SLC24A2: variants seen among roughly 807,000 people sequenced by gnomAD.
The protein encoded by SLC24A2 is solute carrier family 24 member 2.
In SLC24A2, 36 loss-of-function variants were observed where a neutral mutation model predicts 62.0. That is an observed-to-expected ratio of 0.58 (90% confidence interval 0.44 to 0.77). The LOEUF (loss-of-function observed/expected upper bound fraction) is 0.77, where lower values mean the gene tolerates loss of function less well. SLC24A2 is among the 30% of genes least tolerant of loss of function. The pLI is 0.00. For synonymous variants in SLC24A2, 358 were observed against 294.0 expected, an observed-to-expected ratio of 1.22 and a Z score of -2.23; for missense variants, 846 against 817.9, an observed-to-expected ratio of 1.03 and a Z score of -0.42.
At chr9:20,148,261 C>G in the SLC24A2 span, among the ~76,000 whole-genome samples, 1 of 151,972 alleles carries the variant, frequency 6.6e-6, no homozygotes, top group Non-Finnish European at 1.5e-5. Context: ...ATAATAATCA[C>G]CTCCCTATGA....
At chr9:19,693,131 G>A (rs1053895452) in intron 2 of SLC24A2, among the ~76,000 whole-genome samples, 1 of 151,746 alleles carries the variant, frequency 6.6e-6, no homozygotes, top group African/African-American at 2.4e-5. Context: ...TAAGTTCCAG[G>A]GTACATGTGC....
the SLC24A2 span, among the ~76,000 whole-genome samples, chr9:20,285,144 G>C: frequency 6.6e-6 from 1 of 152,144 alleles, no homozygotes; most frequent in Non-Finnish European, 1.5e-5. Context: ...CAAGGAAATA[G>C]GTAGAAGCAT....
intron 7 of SLC24A2, among the ~76,000 whole-genome samples, chr9:19,552,921 C>G (rs916908446): frequency 5.3e-5 from 8 of 152,308 alleles, no homozygotes; most frequent in Non-Finnish European, 1.0e-4. Flanking sequence ...CTATATTGAA[C>G]AGCTTCCAAA....
chr9:20,053,647 A>C, the SLC24A2 span, among the ~76,000 whole-genome samples: 1 of 152,178 alleles, frequency 6.6e-6, no homozygotes, highest in African/African-American at 2.4e-5. Context: ...ATGACCTTAT[A>C]AAACAGACCC....
chr9:19,977,828 T>G, the SLC24A2 span, among the ~76,000 whole-genome samples: 1 of 152,190 alleles, frequency 6.6e-6, no homozygotes, highest in East Asian at 1.9e-4. Context: ...GAAGGAGAAA[T>G]CTAGGGCAGG....
intron 2 of SLC24A2, among the ~76,000 whole-genome samples, chr9:19,728,302 GAA>G (rs561269789): frequency 1.7e-5 from 2 of 119,438 alleles, no homozygotes; most frequent in African/African-American, 3.1e-5. Flanking sequence ...ATTAGTGACA[GAA>G]AAAAAAAAAA....
At chr9:20,212,690 TACTA>T in the SLC24A2 span, among the ~76,000 whole-genome samples, 1 of 151,226 alleles carries the variant, frequency 6.6e-6, no homozygotes, top group Non-Finnish European at 1.5e-5. Context: ...ATGAGTGATT[TACTA>T]ACTATCTATA....
At chr9:19,822,894 T>G in the SLC24A2 span, among the ~76,000 whole-genome samples, 26 of 152,256 alleles carry the variant, frequency 1.7e-4, no homozygotes, top group Admixed American at 1.7e-3. Context: ...TCCAAAAAGC[T>G]GGAGAAGAAA....
At chr9:19,629,769 G>A (rs1818129565) in intron 2 of SLC24A2, among the ~76,000 whole-genome samples, 1 of 152,172 alleles carries the variant, frequency 6.6e-6, no homozygotes, top group African/African-American at 2.4e-5. Context: ...ATTTATTTCT[G>A]ACACTTCAAG....
At chr9:19,735,114 G>C (rs1423136864) in intron 2 of SLC24A2, among the ~76,000 whole-genome samples, 2 of 151,948 alleles carry the variant, frequency 1.3e-5, no homozygotes, top group Admixed American at 1.3e-4. Flanking sequence ...CTATCCATCT[G>C]ACAATGGGCT....
chr9:19,956,026 G>T, the SLC24A2 span, among the ~76,000 whole-genome samples: 1 of 152,194 alleles, frequency 6.6e-6, no homozygotes, highest in African/African-American at 2.4e-5. Context: ...AACAGCACTA[G>T]CCCTAGAGGT....
At chr9:20,151,247 T>A in the SLC24A2 span, among the ~76,000 whole-genome samples, 4 of 151,994 alleles carry the variant, frequency 2.6e-5, no homozygotes, top group African/African-American at 9.7e-5. Context: ...CTTATTACTA[T>A]TTAAATTACT....
At chr9:19,620,221 CAT>C (rs754438219) in intron 3 of SLC24A2, among the ~76,000 whole-genome samples, 21 of 152,172 alleles carry the variant, frequency 1.4e-4, no homozygotes, top group Non-Finnish European at 2.4e-4. Context: ...CCCATATCTG[CAT>C]AGATACACAT....
chr9:19,807,979 C>T, the SLC24A2 span, among the ~76,000 whole-genome samples: 3 of 152,166 alleles, frequency 2.0e-5, no homozygotes, highest in Admixed American at 6.5e-5. Flanking sequence ...TCAGTTAATT[C>T]AGAGAAGACT....
chr9:20,020,124 C>T, the SLC24A2 span, among the ~76,000 whole-genome samples: 3 of 152,184 alleles, frequency 2.0e-5, no homozygotes, highest in Non-Finnish European at 4.4e-5. Flanking sequence ...CTGTTGGTGG[C>T]AGTGTAAATT....
At chr9:19,542,230 C>T (rs1316303237) in intron 8 of SLC24A2, among the ~76,000 whole-genome samples, 1 of 152,156 alleles carries the variant, frequency 6.6e-6, no homozygotes, top group Non-Finnish European at 1.5e-5. Context: ...TGGCTCCTCC[C>T]TTCTCTCTGT....
intron 8 of SLC24A2, among the ~76,000 whole-genome samples, chr9:19,548,286 T>C (rs1834680286): frequency 1.4e-5 from 2 of 147,618 alleles, no homozygotes; most frequent in East Asian, 1.9e-4. Context: ...GATTTTTTTT[T>C]CTACTTTGTG....
At chr9:19,749,962 G>C (rs921554928) in intron 2 of SLC24A2, among the ~76,000 whole-genome samples, 1 of 152,170 alleles carries the variant, frequency 6.6e-6, no homozygotes, top group Admixed American at 6.5e-5. Flanking sequence ...CAAGTCCAGA[G>C]GAATATACCA....
chr9:19,850,959 ATATATATG>A, the SLC24A2 span, among the ~76,000 whole-genome samples: 3 of 22,728 alleles, frequency 1.3e-4, no homozygotes, highest in Admixed American at 5.3e-4. Flanking sequence ...ATATATATAT[ATATATATG>A]TATATATATA....
Sources: allele counts gnomAD v4.1 joint callset (sites outside exome capture counted in the v4.1 genomes callset), GRCh38; gene constraint gnomAD v4.1.1; transcripts MANE v1.5; gene names NCBI Gene and HGNC (gene_info 2026-07-23, HGNC 2026-07-21).